The following MAGI2 variants were observed in gnomAD, a reference collection of about 807,000 sequenced individuals.
The protein encoded by MAGI2 is membrane associated guanylate kinase, WW and PDZ domain containing 2.
A neutral mutation model predicts 133.3 loss-of-function variants in MAGI2; 35 were observed. That is an observed-to-expected ratio of 0.26 (90% CI 0.20 to 0.35). MAGI2 has a LOEUF of 0.35. Ranked by LOEUF, MAGI2 falls within the 10% of genes least tolerant of loss-of-function variation. The probability of loss-of-function intolerance (pLI) is 1.00; values close to 1 mark genes in which losing one functional copy is unlikely to be tolerated. For synonymous variants in MAGI2, 729 were observed against 710.6 expected (o/e 1.03, Z -0.41); for missense variants, 1,636 against 1,863.4 (o/e 0.88, Z 2.25).
At chr7:78,576,686 C>T (rs1802302424) in intron 3 of MAGI2, among the ~76,000 whole-genome samples, 1 of 152,196 alleles carries the variant, frequency 6.6e-6, no homozygotes, top group Admixed American at 6.5e-5. Flanking sequence ...AAATCATCCC[C>T]TTTTGTCCAG....
At chr7:78,554,866 G>A (rs1799647167) in intron 3 of MAGI2, among the ~76,000 whole-genome samples, 1 of 152,124 alleles carries the variant, frequency 6.6e-6, no homozygotes, top group African/African-American at 2.4e-5. Context: ...GCCGGGCATG[G>A]TGGCTCATGT....
chr7:78,938,624 A>G (rs987029743), intron 2 of MAGI2, among the ~76,000 whole-genome samples: 3 of 152,104 alleles, frequency 2.0e-5, no homozygotes, highest in Admixed American at 2.0e-4. Context: ...ACTAAAACTA[A>G]CTGACTGAAA....
intron 2 of MAGI2, among the ~76,000 whole-genome samples, chr7:78,873,641 T>A (rs1425148863): frequency 1.3e-5 from 2 of 152,070 alleles, no homozygotes; most frequent in Non-Finnish European, 2.9e-5. Context: ...ATAATAATAA[T>A]AGAAATAAAG....
chr7:79,367,337 G>A (rs1309407117), intron 1 of MAGI2, among the ~76,000 whole-genome samples: 1 of 152,210 alleles, frequency 6.6e-6, no homozygotes, highest in Non-Finnish European at 1.5e-5. Flanking sequence ...TATTCAGGGA[G>A]AGAATCTTAA....
intron 1 of MAGI2, among the ~76,000 whole-genome samples, chr7:79,044,361 G>A (rs1174868233): frequency 6.6e-6 from 1 of 152,122 alleles, no homozygotes; most frequent in Non-Finnish European, 1.5e-5. Context: ...ATCCAGAAAT[G>A]GCTTTTGATA....
intron 16 of MAGI2, among the ~76,000 whole-genome samples, chr7:78,141,428 C>A (rs1563174372): frequency 2.0e-5 from 3 of 152,084 alleles, no homozygotes; most frequent in Admixed American, 2.0e-4. Context: ...AGATATTGTC[C>A]CTTCCTGGAA....
In MAGI2 at chr7:78,256,482, T is replaced by C. The variant is rs1563337201; in HGVS notation, c.1508A>G (p.Asn503Ser). The C allele has an allele frequency of 1.9e-6, 3 of 1,613,916 alleles. No homozygotes were observed. Among genetic ancestry groups the C allele is most frequent in the South Asian group, 2.2e-5 (2 of 91,078 alleles). ...AGGGTAGCCACGACACAACACCAGG[T>C]TGACACTCTGACCAATAGGAACAGA... is the stretch of plus-strand genomic sequence containing the variant. ...FQSVPIGQSV[N>S]LVLCRGYPLP... Residue 503 changes from asparagine to serine, a missense_variant, in exon 10 of 22, where the codon AAC becomes AGC. Asn to Ser is a conservative substitution (Grantham distance 46, BLOSUM62 1). Transcript: ENST00000354212.
At chr7:79,204,298 G>C (rs943858628) in intron 1 of MAGI2, among the ~76,000 whole-genome samples, 9 of 151,574 alleles carry the variant, frequency 5.9e-5, no homozygotes, top group South Asian at 2.1e-4. Flanking sequence ...CTGCACCATG[G>C]GTCAGTGGAT....
intron 1 of MAGI2, among the ~76,000 whole-genome samples, chr7:79,285,756 C>A (rs1244272755): frequency 6.6e-6 from 1 of 152,020 alleles, no homozygotes; most frequent in Non-Finnish European, 1.5e-5. Context: ...GAAGAATGAA[C>A]AACGATACTC....
intron 2 of MAGI2, among the ~76,000 whole-genome samples, chr7:78,763,686 T>G (rs1207895): frequency 3.3e-5 from 5 of 151,952 alleles, no homozygotes. Context: ...TGAATTACCC[T>G]AAAGAGTCCA....
chr7:79,203,194 T>C lies in MAGI2; in HGVS notation c.302-195988A>G, dbSNP rs535915304. On this transcript the variant is annotated intron_variant, in intron 1 of 21. Transcript: ENST00000354212. ...CACTAGTACACACTACCATCATTTCTCCCTTGGGTTTTGGATATAGATTAC... is the reference window on the plus strand; with the variant it reads ...CACTAGTACACACTACCATCATTTCCCCCTTGGGTTTTGGATATAGATTAC... 3.9e-5 allele frequency among the ~76,000 whole-genome samples: 6 copies of C among 152,168 alleles called. No homozygotes were observed. In the East Asian group the frequency reaches 7.7e-4, roughly 20 times the overall value.
chr7:79,129,026 A>C (rs1820680748), intron 1 of MAGI2, among the ~76,000 whole-genome samples: 1 of 151,952 alleles, frequency 6.6e-6, no homozygotes, highest in Admixed American at 6.6e-5. Context: ...AGGCACCACC[A>C]CGCTCAGCTA....
intron 13 of MAGI2, among the ~76,000 whole-genome samples, chr7:78,183,422 C>T (rs941248514): frequency 6.6e-6 from 1 of 151,902 alleles, no homozygotes; most frequent in East Asian, 1.9e-4. Context: ...AGCACCACCA[C>T]GCCCAGCTAA....
chr7:79,359,580 C>T (rs1385936714), intron 1 of MAGI2, among the ~76,000 whole-genome samples: 2 of 151,370 alleles, frequency 1.3e-5, no homozygotes, highest in East Asian at 1.9e-4. Flanking sequence ...AAGAAAAACC[C>T]TAAATCAGCC....
chr7:79,230,403 C>T (rs1038334209), intron 1 of MAGI2, among the ~76,000 whole-genome samples: 12 of 151,736 alleles, frequency 7.9e-5, no homozygotes, highest in Admixed American at 6.6e-4. Flanking sequence ...TTTACAGTCC[C>T]ACCAACAGTG....
intron 9 of MAGI2, among the ~76,000 whole-genome samples, chr7:78,287,807 A>G (rs1482058435): frequency 6.6e-6 from 1 of 152,202 alleles, no homozygotes; most frequent in African/African-American, 2.4e-5. Context: ...AATGTTGTTA[A>G]TATAAGAAGC....
chr7:79,079,071 C>T lies in MAGI2; in HGVS notation c.302-71865G>A, dbSNP rs529402836. Among the ~76,000 whole-genome samples, 18 of 152,252 alleles carry T rather than the reference C, an allele frequency of 1.2e-4. No individual in the cohort carries two copies. In the South Asian group the frequency reaches 2.5e-3, roughly 21 times the overall value. ...TTTACATAGCAGCTGTTCCCTAATT[C>T]ATTTCTCCCAATCTCAATTCCCCAT... is the stretch of plus-strand genomic sequence containing the variant. On this transcript the variant is annotated intron_variant, in intron 1 of 21. Transcript: ENST00000354212.
At chr7:78,767,600 T>C (rs922904629) in intron 2 of MAGI2, among the ~76,000 whole-genome samples, 2 of 152,236 alleles carry the variant, frequency 1.3e-5, no homozygotes, top group Admixed American at 6.5e-5. Flanking sequence ...AGTAGGGTTC[T>C]AAAGTGATAG....
intron 10 of MAGI2, among the ~76,000 whole-genome samples, chr7:78,237,231 T>A (rs1790646350): frequency 1.3e-5 from 2 of 152,170 alleles, no homozygotes; most frequent in African/African-American, 2.4e-5. Context: ...GATATATTCA[T>A]CCAAATACTT....
Sources: allele counts gnomAD v4.1 joint callset (sites outside exome capture counted in the v4.1 genomes callset), GRCh38; gene constraint gnomAD v4.1.1; transcripts MANE v1.5; gene names NCBI Gene and HGNC (gene_info 2026-07-23, HGNC 2026-07-21).